Variants in ZC3H3 observed in about 807,000 individuals in gnomAD.
The protein encoded by ZC3H3 is zinc finger CCCH domain-containing protein 3.
ZC3H3 carries 36 observed loss-of-function variants against 77.3 expected under a neutral mutation model. The observed-to-expected ratio is 0.47, with a 90% CI of 0.36 to 0.61. The LOEUF (loss-of-function observed/expected upper bound fraction) is 0.61, where lower values mean the gene tolerates loss of function less well. Among genes scored for constraint, ZC3H3 ranks in the 20% least tolerant of loss-of-function variants. The pLI is 0.00. For synonymous variants in ZC3H3, 626 were observed against 555.2 expected (o/e 1.13, Z -1.79); for missense variants, 1,331 against 1,312.2 (o/e 1.01, Z -0.22).
intron 4 of ZC3H3, among the ~76,000 whole-genome samples, chr8:143,498,263 C>A (rs1821411367): frequency 6.6e-5 from 10 of 152,236 alleles, no homozygotes. Context: ...AAAATCACAA[C>A]CCAAAGCACC....
At chr8:143,478,014 C>T (rs140831903) in intron 4 of ZC3H3, among the ~76,000 whole-genome samples, 25 of 152,280 alleles carry the variant, frequency 1.6e-4, no homozygotes, top group East Asian at 3.9e-4. Context: ...TCTGCACTCT[C>T]GGGGGAAGCA....
chr8:143,463,472 C>A (rs761624160), intron 9 of ZC3H3, among the ~76,000 whole-genome samples: 5 of 152,210 alleles, frequency 3.3e-5, no homozygotes, highest in Admixed American at 1.3e-4. Context: ...GCCGGACACA[C>A]CCGTGGACAA....
Position 143,462,515 on chromosome 8 carries a change from AG to A in ZC3H3, c.2307+3201del. ...CAAAACCAAGACAGGCGCTGTCCAG[AG>A]GACACAGGAGCCCTTGCAAGCCTGG... On this transcript the variant is annotated intron_variant, in intron 9 of 11. Coordinates refer to ENST00000262577, the MANE Select transcript of ZC3H3 (RefSeq NM_015117.3). The surrounding 1 kb of genome is among the most constrained non-coding windows in gnomAD (Gnocchi z 4.7). Among the ~76,000 whole-genome samples the A allele has an allele frequency of 6.6e-6, 1 of 152,358 alleles. No homozygotes were observed.
At position 143,472,347 on chromosome 8, in the gene ZC3H3, G is replaced by A. The variant is rs79503164; in HGVS notation, c.1903+3051C>T. Among the ~76,000 whole-genome samples, 743 of 152,386 alleles carry A rather than the reference G, an allele frequency of 4.9e-3. 14 individuals are homozygous for A. The highest frequency in any genetic ancestry group is 0.017 in the African/African-American group (714 of 41,598). On this transcript the variant is annotated intron_variant, in intron 5 of 11. Transcript: ENST00000262577. Reference sequence around the variant, plus strand: ...GCCGGGATAGACTGTTCACAGTGTGGTGACGTCAGGGGCTCTGCGCCCGCC... The same window carrying A: ...GCCGGGATAGACTGTTCACAGTGTGATGACGTCAGGGGCTCTGCGCCCGCC...
rs1287514237 is a variant in ZC3H3 at position 143,468,371 on chromosome 8, C to A, written c.2105+11G>T. The A allele has an allele frequency of 1.9e-6, 3 of 1,612,304 alleles. No individual in the cohort carries two copies. The Admixed American group carries it at 5.0e-5, about 27-fold the overall frequency. On this transcript the variant is annotated intron_variant, in intron 7 of 11. Coordinates refer to ENST00000262577, the MANE Select transcript of ZC3H3 (RefSeq NM_015117.3). ...ACCTCCCCCAGGCCCACAGCGAGGG[C>A]AGGAGGGCACCTGGTGCACACGGCC...
At chr8:143,510,159 C>T (rs942399441) in intron 3 of ZC3H3, among the ~76,000 whole-genome samples, 1 of 152,260 alleles carries the variant, frequency 6.6e-6, no homozygotes, top group Non-Finnish European at 1.5e-5. Flanking sequence ...CTGAAAACCA[C>T]ACGGTAATAA....
At chr8:143,453,569 T>G (rs141695477) in intron 9 of ZC3H3, among the ~76,000 whole-genome samples, 1 of 152,276 alleles carries the variant, frequency 6.6e-6, no homozygotes, top group East Asian at 1.9e-4. Context: ...AGACATTCTC[T>G]GATGAAGAAA....
intron 4 of ZC3H3, among the ~76,000 whole-genome samples, chr8:143,483,405 G>A (rs1422233613): frequency 2.0e-5 from 3 of 152,226 alleles, no homozygotes; most frequent in Non-Finnish European, 2.9e-5. Flanking sequence ...GCCCTTGGCT[G>A]GAGAGGCCCA....
At chr8:143,512,120 C>T (rs2130434714) in intron 3 of ZC3H3, among the ~76,000 whole-genome samples, 1 of 152,378 alleles carries the variant, frequency 6.6e-6, no homozygotes, top group South Asian at 2.1e-4. Flanking sequence ...AGGCCTGGGG[C>T]AGCCCAGACC....
chr8:143,516,418 A>G (rs1822044638), intron 3 of ZC3H3, among the ~76,000 whole-genome samples: 1 of 152,086 alleles, frequency 6.6e-6, no homozygotes, highest in African/African-American at 2.4e-5. Context: ...CGCAGGGTGG[A>G]GAGCAGAGAC....
chr8:143,470,432 G>A (rs1187629509), intron 5 of ZC3H3, among the ~76,000 whole-genome samples: 2 of 152,232 alleles, frequency 1.3e-5, no homozygotes, highest in Non-Finnish European at 2.9e-5. Context: ...ACGCGGGGGT[G>A]CTCAGGGCAG....
intron 9 of ZC3H3, among the ~76,000 whole-genome samples, chr8:143,443,329 G>C (rs1464296230): frequency 6.6e-6 from 1 of 150,524 alleles, no homozygotes; most frequent in Non-Finnish European, 1.5e-5. Flanking sequence ...AATTACTTAG[G>C]AGCGATGAAG....
At chr8:143,455,659 G>A (rs2129830812) in intron 9 of ZC3H3, among the ~76,000 whole-genome samples, 1 of 152,252 alleles carries the variant, frequency 6.6e-6, no homozygotes, top group African/African-American at 2.4e-5. Flanking sequence ...GCTACAGTGT[G>A]TGATAAACGT....
At chr8:143,503,718 C>T (rs2130408987) in intron 4 of ZC3H3, among the ~76,000 whole-genome samples, 1 of 148,710 alleles carries the variant, frequency 6.7e-6, no homozygotes, top group African/African-American at 2.5e-5. Context: ...GCCGGCTCCA[C>T]CACCATCCCC....
At chr8:143,488,498 A>C (rs1203521502) in intron 4 of ZC3H3, among the ~76,000 whole-genome samples, 6 of 143,026 alleles carry the variant, frequency 4.2e-5, no homozygotes, top group Admixed American at 6.8e-5. Flanking sequence ...AGCACCCGCT[A>C]CACGGCCCCA....
At chr8:143,517,259 TC>T (rs1822088210) in intron 3 of ZC3H3, among the ~76,000 whole-genome samples, 1 of 152,130 alleles carries the variant, frequency 6.6e-6, no homozygotes, top group South Asian at 2.1e-4. Context: ...TGGGGCTTCC[TC>T]CCCTCTTCCC....
At chr8:143,457,427 A>C (rs979189496) in intron 9 of ZC3H3, among the ~76,000 whole-genome samples, 1 of 152,144 alleles carries the variant, frequency 6.6e-6, no homozygotes, top group Non-Finnish European at 1.5e-5. Flanking sequence ...AGGGAAGTAA[A>C]ACAAACAAAA....
At chr8:143,511,780 T>C (rs933636992) in intron 3 of ZC3H3, among the ~76,000 whole-genome samples, 1 of 152,044 alleles carries the variant, frequency 6.6e-6, no homozygotes, top group African/African-American at 2.4e-5. Flanking sequence ...GGCACGAGAG[T>C]GGGCCCTGGT....
chr8:143,519,136 T>A (rs1282211918), intron 3 of ZC3H3, among the ~76,000 whole-genome samples: 1 of 151,882 alleles, frequency 6.6e-6, no homozygotes, highest in Non-Finnish European at 1.5e-5. Context: ...AGGAGAGGGG[T>A]AGCAGCGAGT....
Sources: gnomAD v4.1 joint callset for allele counts (sites outside exome capture counted in the v4.1 genomes callset) on GRCh38, gnomAD v4.1.1 for gene constraint, Gnocchi (gnomAD v3.1) non-coding constraint, MANE v1.5 for transcripts, NCBI Gene and HGNC (gene_info 2026-07-23, HGNC 2026-07-21) for gene names.